The following NSD3 variants were observed in gnomAD, a reference collection of about 807,000 sequenced individuals.
NSD3 encodes nuclear receptor binding SET domain protein 3, also known as histone-lysine N-methyltransferase NSD3.
A neutral mutation model predicts 160.8 loss-of-function variants in NSD3; 24 were observed. That is an observed-to-expected ratio of 0.15 (90% CI 0.11 to 0.21). The LOEUF (loss-of-function observed/expected upper bound fraction) is 0.21, where lower values mean the gene tolerates loss of function less well. NSD3 is among the 10% of genes least tolerant of loss of function. The pLI is 1.00. For synonymous variants in NSD3, 520 were observed against 600.0 expected, an observed-to-expected ratio of 0.87 and a Z score of 1.95; for missense variants, 1,157 against 1,735.9, an observed-to-expected ratio of 0.67 and a Z score of 5.93.
Position 38,361,516 on chromosome 8 carries a change from G to A in NSD3, c.-44-13301C>T, listed in dbSNP as rs368445970. On this transcript the variant is annotated intron_variant, in intron 1 of 23. Transcript: ENST00000317025. Reference sequence around the variant, plus strand: ...CACACCTGTAATCCCAGCACTTTGGGAGGCCGAGGCGGGCGGATCACGAGG... The same window carrying A: ...CACACCTGTAATCCCAGCACTTTGGAAGGCCGAGGCGGGCGGATCACGAGG... Among the ~76,000 whole-genome samples, 32 of 151,382 alleles carry A rather than the reference G, an allele frequency of 2.1e-4. No individual in the cohort carries two copies. The East Asian group carries it at 5.5e-3, about 26-fold the overall frequency.
At chr8:38,333,628 G>A (rs1477173598) in intron 4 of NSD3, among the ~76,000 whole-genome samples, 2 of 152,166 alleles carry the variant, frequency 1.3e-5, no homozygotes, top group South Asian at 4.1e-4. Flanking sequence ...AGCACTTTGG[G>A]AGGCCGAGGC....
At chr8:38,325,070 G>A (rs1809875064) in intron 7 of NSD3, among the ~76,000 whole-genome samples, 1 of 152,234 alleles carries the variant, frequency 6.6e-6, no homozygotes. Flanking sequence ...AGCTGCTCTA[G>A]CAAATGACTA....
intron 1 of NSD3, among the ~76,000 whole-genome samples, chr8:38,362,202 G>A (rs951031306): frequency 8.4e-6 from 1 of 119,114 alleles, no homozygotes; most frequent in Non-Finnish European, 1.6e-5. Flanking sequence ...ATAGTGCCTG[G>A]CACATTATCA....
chr8:38,315,187 C>T (rs1207488037), intron 11 of NSD3, among the ~76,000 whole-genome samples: 1 of 152,112 alleles, frequency 6.6e-6, no homozygotes, highest in Non-Finnish European at 1.5e-5. Context: ...CAGTCATCTG[C>T]CATTTACTTC....
intron 12 of NSD3, among the ~76,000 whole-genome samples, chr8:38,308,209 A>G (rs976991341): frequency 1.3e-5 from 2 of 152,220 alleles, no homozygotes; most frequent in South Asian, 4.1e-4. Context: ...ATCTTTACAA[A>G]TTTGCTGAAT....
chr8:38,307,130 A>AAAT (rs1554524049), intron 12 of NSD3, among the ~76,000 whole-genome samples: 65 of 127,544 alleles, frequency 5.1e-4, no homozygotes, highest in African/African-American at 1.6e-3. Flanking sequence ...AAAAAAAAAT[A>AAAT]AAATAAAATA....
chr8:38,327,325 G>C (rs1809939250), intron 6 of NSD3, among the ~76,000 whole-genome samples: 1 of 151,802 alleles, frequency 6.6e-6, no homozygotes, highest in South Asian at 2.1e-4. Flanking sequence ...CAAAGTGCTG[G>C]GATTACAGGC....
chr8:38,339,458 G>A lies in NSD3; in HGVS notation c.676-851C>T, dbSNP rs143902531. ...ATAATCTAGATGGGCTGGGCATGGCGGCTCACGCCTGTAATCCTAGCACTT... is the reference window on the plus strand; with the variant it reads ...ATAATCTAGATGGGCTGGGCATGGCAGCTCACGCCTGTAATCCTAGCACTT... On this transcript the variant is annotated intron_variant, in intron 2 of 23. Coordinates refer to ENST00000317025, the MANE Select transcript of NSD3 (RefSeq NM_023034.2). Among the ~76,000 whole-genome samples the A allele has an allele frequency of 4.3e-3, 648 of 152,228 alleles. 2 individuals carry two copies. Among genetic ancestry groups the A allele is most frequent in the African/African-American group, 0.015 (617 of 41,530 alleles).
intron 15 of NSD3, among the ~76,000 whole-genome samples, chr8:38,296,558 C>T (rs1809149983): frequency 6.6e-6 from 1 of 152,096 alleles, no homozygotes; most frequent in South Asian, 2.1e-4. Context: ...GGCTATACAG[C>T]AGTGGTTTGC....
At chr8:38,277,939 C>CTTT (rs1212507237) in intron 22 of NSD3, among the ~76,000 whole-genome samples, 2 of 136,490 alleles carry the variant, frequency 1.5e-5, no homozygotes, top group African/African-American at 2.7e-5. Flanking sequence ...AAACAGACTT[C>CTTT]TTTTTTTTTT....
At chr8:38,349,219 T>G (rs908452729) in intron 1 of NSD3, among the ~76,000 whole-genome samples, 1 of 152,244 alleles carries the variant, frequency 6.6e-6, no homozygotes, top group Non-Finnish European at 1.5e-5. Context: ...AATGGTTGCA[T>G]AGTAAACAAA....
In NSD3 at chr8:38,316,483, A is replaced by G; in HGVS notation, c.1856-441T>C. 2 of 1,045,756 alleles carry G rather than the reference A, an allele frequency of 1.9e-6. No individual in the cohort carries two copies. Among genetic ancestry groups the G allele is most frequent in the Non-Finnish European group, 2.3e-6 (2 of 866,650 alleles). 64.8% of individuals were successfully genotyped at this position (1,045,756 alleles called of 1,614,324 possible). ...TTATTAGGGATGTGACAAATCTTTG[A>G]TTTGTATTCGATTCGTACACGGATA... On this transcript the variant is annotated intron_variant, in intron 9 of 23. Coordinates refer to ENST00000317025, the MANE Select transcript of NSD3 (RefSeq NM_023034.2). This position sits in a 1 kb window ranked among gnomAD's most constrained non-coding sequence, Gnocchi z 4.5.
chr8:38,353,891 T>C (rs1443228791), intron 1 of NSD3, among the ~76,000 whole-genome samples: 1 of 152,168 alleles, frequency 6.6e-6, no homozygotes, highest in Non-Finnish European at 1.5e-5. Flanking sequence ...ATAATCAGTC[T>C]CCTGATTTCT....
chr8:38,272,236 T>C lies in NSD3; in HGVS notation c.*3405A>G, dbSNP rs1808499289. ...ACTTTTTTAGCTTTCACATATGTTCTTGACTTGTACAGAAAATCCCAAATT... is the reference window on the plus strand; with the variant it reads ...ACTTTTTTAGCTTTCACATATGTTCCTGACTTGTACAGAAAATCCCAAATT... On this transcript the variant is annotated 3_prime_UTR_variant, in exon 24 of 24. Coordinates refer to ENST00000317025, the MANE Select transcript of NSD3 (RefSeq NM_023034.2). The C allele has an allele frequency of 6.6e-6, 1 of 152,260 alleles. No homozygotes were observed. Among genetic ancestry groups the C allele is most frequent in the African/African-American group, 2.4e-5 (1 of 41,470 alleles). The allele number at this position is 152,260 out of a possible 1,614,324, so 9.4% of individuals were successfully genotyped here. A position where few individuals can be genotyped will look rare whatever the true frequency, so the allele number is the denominator to read the frequency against.
chr8:38,362,807 A>G (rs760696947), intron 1 of NSD3, among the ~76,000 whole-genome samples: 1 of 152,238 alleles, frequency 6.6e-6, no homozygotes, highest in Non-Finnish European at 1.5e-5. Context: ...ATTCACTATG[A>G]ACAGCGTAAG....
chr8:38,300,582 A>T (rs989583728), intron 14 of NSD3, among the ~76,000 whole-genome samples: 5 of 152,354 alleles, frequency 3.3e-5, no homozygotes, highest in African/African-American at 1.2e-4. Context: ...CGTTAATAAA[A>T]ACAATCTTTT....
At chr8:38,294,852 G>C (rs1020547840) in intron 16 of NSD3, among the ~76,000 whole-genome samples, 1 of 150,388 alleles carries the variant, frequency 6.6e-6, no homozygotes, top group African/African-American at 2.4e-5. Flanking sequence ...AATTTTTAAA[G>C]TTTTTTTTTG....
At chr8:38,283,669 C>T (rs16887301) in intron 19 of NSD3, among the ~76,000 whole-genome samples, 2,536 of 152,226 alleles carry the variant, frequency 0.017, 79 homozygotes, top group African/African-American at 0.057. Flanking sequence ...TGGCATGTGG[C>T]GAGTGAGCTC....
chr8:38,367,655 T>G (rs1199507234), intron 1 of NSD3, among the ~76,000 whole-genome samples: 2 of 152,106 alleles, frequency 1.3e-5, no homozygotes, highest in Non-Finnish European at 2.9e-5. Flanking sequence ...GAGGTTGCGG[T>G]GAGCTGAGAT....
Sources: allele counts gnomAD v4.1 joint callset (sites outside exome capture counted in the v4.1 genomes callset), GRCh38; gene constraint gnomAD v4.1.1; non-coding constraint Gnocchi (gnomAD v3.1); transcripts MANE v1.5; gene names NCBI Gene and HGNC (gene_info 2026-07-23, HGNC 2026-07-21).